KANK1: variants seen among roughly 807,000 people sequenced by gnomAD.
KANK1 encodes the protein KN motif and ankyrin repeat domain-containing protein 1.
KANK1 carries 109 observed loss-of-function variants against 106.2 expected under a neutral mutation model. The observed-to-expected ratio is 1.03, with a 90% CI of 0.88 to 1.20. The LOEUF is 1.20. KANK1 is among the 50% of genes most tolerant of loss of function. The pLI is 0.00. For synonymous variants in KANK1, 873 were observed against 652.2 expected (o/e 1.34, Z -5.16); for missense variants, 2,399 against 1,710.7 (o/e 1.40, Z -7.10).
intron 7 of KANK1, among the ~76,000 whole-genome samples, chr9:737,960 GA>G (rs1834239101): frequency 6.6e-6 from 1 of 152,226 alleles, no homozygotes; most frequent in Admixed American, 6.5e-5. Flanking sequence ...TGAGGAAACG[GA>G]AGCAGAATAA....
At chr9:536,208 G>A (rs1002325692) in intron 1 of KANK1, among the ~76,000 whole-genome samples, 4 of 152,084 alleles carry the variant, frequency 2.6e-5, no homozygotes, top group East Asian at 1.9e-4. Context: ...AGACATGGTG[G>A]CGGGCACCTG....
intron 10 of KANK1, among the ~76,000 whole-genome samples, chr9:743,112 G>C (rs906147750): frequency 6.6e-6 from 1 of 152,240 alleles, no homozygotes; most frequent in Non-Finnish European, 1.5e-5. Flanking sequence ...CATGTAGGCA[G>C]TGAGATGGTG....
At chr9:682,912 C>G (rs926894630) in intron 2 of KANK1, among the ~76,000 whole-genome samples, 4 of 152,216 alleles carry the variant, frequency 2.6e-5, no homozygotes, top group African/African-American at 9.7e-5. Context: ...GCACCCCACT[C>G]TCGCTTGTGT....
At chr9:542,875 G>A (rs895908050) in intron 1 of KANK1, among the ~76,000 whole-genome samples, 10 of 152,174 alleles carry the variant, frequency 6.6e-5, no homozygotes, top group Admixed American at 5.9e-4. Context: ...CGGAGTGGTG[G>A]TTGTCAGGGG....
intron 1 of KANK1, among the ~76,000 whole-genome samples, chr9:560,332 A>G (rs1816059424): frequency 6.6e-6 from 1 of 152,218 alleles, no homozygotes; most frequent in Non-Finnish European, 1.5e-5. Flanking sequence ...AATAAGATAG[A>G]TGAATGTGTT....
intron 1 of KANK1, among the ~76,000 whole-genome samples, chr9:601,264 T>C (rs1375719897): frequency 1.3e-5 from 2 of 151,852 alleles, no homozygotes; most frequent in Non-Finnish European, 2.9e-5. Flanking sequence ...GGAATCTAAA[T>C]TGGTCTAATA....
At chr9:550,752 C>T (rs532081371) in intron 1 of KANK1, among the ~76,000 whole-genome samples, 2 of 152,310 alleles carry the variant, frequency 1.3e-5, no homozygotes, top group South Asian at 2.1e-4. Context: ...GTGGGAGTTA[C>T]AAGGTTAATT....
intron 1 of KANK1, among the ~76,000 whole-genome samples, chr9:517,115 T>C (rs2059316810): frequency 6.6e-6 from 1 of 151,784 alleles, no homozygotes; most frequent in Non-Finnish European, 1.5e-5. Flanking sequence ...GTGTTTGTTT[T>C]TGTTTTTGTT....
chr9:740,672 C>A, intron 8 of KANK1, 120 bp from the exon 9 acceptor site: 1 of 1,141,190 alleles, frequency 8.8e-7, no homozygotes, highest in South Asian at 1.5e-5. Flanking sequence ...CTCTTGGTCT[C>A]CAGCCACCTG....
chr9:562,069 G>A (rs1403232878), intron 1 of KANK1, among the ~76,000 whole-genome samples: 2 of 105,764 alleles, frequency 1.9e-5, no homozygotes, highest in African/African-American at 3.3e-5. Context: ...TTTTTGAGAC[G>A]GAGTCTCGCT....
At chr9:481,551 C>T (rs978828921) in intron 3 of KANK1, among the ~76,000 whole-genome samples, 2 of 152,090 alleles carry the variant, frequency 1.3e-5, no homozygotes, top group Admixed American at 6.6e-5. Flanking sequence ...TCAGAAAACT[C>T]AAAACTACTT....
intron 1 of KANK1, among the ~76,000 whole-genome samples, chr9:581,970 C>T (rs1414236380): frequency 6.6e-6 from 1 of 152,186 alleles, no homozygotes; most frequent in African/African-American, 2.4e-5. Flanking sequence ...ATCTTGCTAT[C>T]TTCTCACCTG....
At chr9:673,123 A>T (rs1172743158) in intron 1 of KANK1, among the ~76,000 whole-genome samples, 1 of 151,922 alleles carries the variant, frequency 6.6e-6, no homozygotes, top group Non-Finnish European at 1.5e-5. Context: ...ATAATAACTG[A>T]GAAAAATCAA....
intron 1 of KANK1, among the ~76,000 whole-genome samples, chr9:608,772 A>G (rs1397129873): frequency 6.6e-6 from 1 of 152,214 alleles, no homozygotes; most frequent in Non-Finnish European, 1.5e-5. Flanking sequence ...AAGGCAACTC[A>G]CAGAGTTACT....
intron 1 of KANK1, among the ~76,000 whole-genome samples, chr9:644,083 A>G (rs375626258): frequency 2.0e-5 from 3 of 150,922 alleles, no homozygotes; most frequent in African/African-American, 5.0e-5. Context: ...GTTCTTACCA[A>G]TGCAGTGATT....
chr9:571,985 T>G (rs1819297737), intron 1 of KANK1, among the ~76,000 whole-genome samples: 1 of 152,128 alleles, frequency 6.6e-6, no homozygotes, highest in Admixed American at 6.5e-5. Flanking sequence ...AACTCGGAAC[T>G]TTGTGGTTGG....
chr9:482,989 G>T (rs2058232129), intron 3 of KANK1, among the ~76,000 whole-genome samples: 7 of 152,164 alleles, frequency 4.6e-5, no homozygotes. Flanking sequence ...TAATCACTTA[G>T]TAGATCTGTT....
intron 1 of KANK1, among the ~76,000 whole-genome samples, chr9:527,196 T>G (rs1271732392): frequency 2.6e-5 from 4 of 151,934 alleles, no homozygotes; most frequent in Middle Eastern, 3.4e-3. Flanking sequence ...TTCTGAAGTT[T>G]CCAGGCCGTT....
intron 2 of KANK1, among the ~76,000 whole-genome samples, chr9:688,115 C>A (rs1199638203): frequency 1.3e-5 from 2 of 152,182 alleles, no homozygotes; most frequent in African/African-American, 4.8e-5. Context: ...ATATTCTTTG[C>A]AGTTTTCTTC....
Sources: allele counts gnomAD v4.1 joint callset (sites outside exome capture counted in the v4.1 genomes callset), GRCh38; gene constraint gnomAD v4.1.1; transcripts MANE v1.5; gene names NCBI Gene and HGNC (gene_info 2026-07-23, HGNC 2026-07-21).